PARD3: variants seen among roughly 807,000 people sequenced by gnomAD.
PARD3 encodes partitioning defective 3 homolog.
PARD3 carries 75 observed loss-of-function variants against 155.4 expected under a neutral mutation model. That is an observed-to-expected ratio of 0.48 (90% CI 0.40 to 0.58). The LOEUF (loss-of-function observed/expected upper bound fraction) is 0.58, where lower values mean the gene tolerates loss of function less well. Among genes scored for constraint, PARD3 ranks in the 20% least tolerant of loss-of-function variants. PARD3 has a pLI of 0.00. For missense variants in PARD3, 1,642 were observed against 1,721.7 expected (o/e 0.95, Z 0.82); for synonymous variants, 576 against 610.5 (o/e 0.94, Z 0.83).
Position 34,732,299 on chromosome 10 carries a change from T to C in PARD3, c.121-35880A>G, listed in dbSNP as rs141857929. Among the ~76,000 whole-genome samples, 330 of 152,266 alleles carry C rather than the reference T, an allele frequency of 2.2e-3. 1 individual carries two copies. The highest frequency in any genetic ancestry group is 3.4e-3 in the Middle Eastern group (1 of 294). Reference sequence around the variant, plus strand: ...TGCAAAAGTAGTAAAATGGAGACACTCTAGGGTAGGAGGCCTGAAGTAAAC... The same window carrying C: ...TGCAAAAGTAGTAAAATGGAGACACCCTAGGGTAGGAGGCCTGAAGTAAAC... On this transcript the variant is annotated intron_variant, in intron 1 of 24. Transcript: ENST00000374788.
intron 15 of PARD3, among the ~76,000 whole-genome samples, chr10:34,343,044 A>T (rs1325948732): frequency 6.6e-6 from 1 of 152,176 alleles, no homozygotes; most frequent in African/African-American, 2.4e-5. Context: ...ACAGTATTAG[A>T]ATATTAGGAT....
At chr10:34,121,451 T>C (rs1458553700) in intron 23 of PARD3, among the ~76,000 whole-genome samples, 1 of 152,198 alleles carries the variant, frequency 6.6e-6, no homozygotes, top group African/African-American at 2.4e-5. Context: ...TTGAAACAAG[T>C]TATTGATTTT....
At chr10:34,444,914 T>G (rs2076658176) in intron 5 of PARD3, among the ~76,000 whole-genome samples, 2 of 152,118 alleles carry the variant, frequency 1.3e-5, no homozygotes, top group South Asian at 4.1e-4. Flanking sequence ...TAATGAGAGA[T>G]AAGCATTAAG....
At chr10:34,404,396 G>C (rs1844221030) in intron 5 of PARD3, among the ~76,000 whole-genome samples, 1 of 152,158 alleles carries the variant, frequency 6.6e-6, no homozygotes, top group South Asian at 2.1e-4. Context: ...GCCGGGTGAG[G>C]TGGCTTACGC....
intron 4 of PARD3, among the ~76,000 whole-genome samples, chr10:34,462,209 G>A (rs971676169): frequency 2.8e-4 from 42 of 152,178 alleles, no homozygotes; most frequent in Admixed American, 2.3e-3. Context: ...AACTAATGCC[G>A]CAGAAAATTA....
At chr10:34,518,625 G>A (rs1237290151) in intron 2 of PARD3, among the ~76,000 whole-genome samples, 1 of 152,172 alleles carries the variant, frequency 6.6e-6, no homozygotes, top group East Asian at 1.9e-4. Context: ...AGTCCATAAT[G>A]ATATAAATAA....
intron 22 of PARD3, among the ~76,000 whole-genome samples, chr10:34,240,811 A>G (rs1202693063): frequency 6.6e-5 from 10 of 152,088 alleles, no homozygotes. Context: ...CCCACCAAGC[A>G]GAGCTCAAAA....
At chr10:34,269,297 A>T (rs1955497757) in intron 22 of PARD3, among the ~76,000 whole-genome samples, 1 of 152,234 alleles carries the variant, frequency 6.6e-6, no homozygotes, top group African/African-American at 2.4e-5. Context: ...CCATCTATTT[A>T]ATTGCCACAC....
At chr10:34,313,375 G>T (rs1164965448) in intron 20 of PARD3, among the ~76,000 whole-genome samples, 1 of 152,170 alleles carries the variant, frequency 6.6e-6, no homozygotes, top group African/African-American at 2.4e-5. Context: ...TGTATGAGGA[G>T]AAATTAATAC....
At chr10:34,474,904 A>T (rs1164127091) in intron 3 of PARD3, among the ~76,000 whole-genome samples, 1 of 152,264 alleles carries the variant, frequency 6.6e-6, no homozygotes, top group Non-Finnish European at 1.5e-5. Flanking sequence ...AAGAAACGTT[A>T]CATTAGCCAT....
chr10:34,348,829 T>C (rs1003077983), intron 14 of PARD3, among the ~76,000 whole-genome samples: 2 of 152,282 alleles, frequency 1.3e-5, no homozygotes, highest in African/African-American at 2.4e-5. Context: ...CAAAAACATA[T>C]ACAATCTAAT....
chr10:34,501,516 G>A (rs140281117), intron 3 of PARD3, among the ~76,000 whole-genome samples: 1 of 152,232 alleles, frequency 6.6e-6, no homozygotes, highest in East Asian at 1.9e-4. Context: ...ATGTAAGAAT[G>A]GGTGAATACA....
intron 2 of PARD3, among the ~76,000 whole-genome samples, chr10:34,662,016 T>C (rs1354624260): frequency 6.6e-6 from 1 of 152,150 alleles, no homozygotes; most frequent in Non-Finnish European, 1.5e-5. Context: ...TTCTGCTCCT[T>C]TGACCTGCAG....
At chr10:34,598,176 A>G (rs2089461211) in intron 2 of PARD3, among the ~76,000 whole-genome samples, 1 of 152,192 alleles carries the variant, frequency 6.6e-6, no homozygotes, top group African/African-American at 2.4e-5. Context: ...AGGACACTGA[A>G]GAAGAGAAGG....
At chr10:34,129,811 C>T (rs148729287) in intron 23 of PARD3, among the ~76,000 whole-genome samples, 12 of 150,598 alleles carry the variant, frequency 8.0e-5, no homozygotes, top group Middle Eastern at 6.9e-3. Context: ...GCATGTGCCA[C>T]CACATCCGGG....
At chr10:34,779,652 A>C (rs954176277) in intron 1 of PARD3, among the ~76,000 whole-genome samples, 18 of 152,174 alleles carry the variant, frequency 1.2e-4, no homozygotes, top group Admixed American at 3.3e-4. Flanking sequence ...AACTATGCAG[A>C]TATCACCAGC....
rs71917947 is a variant in PARD3, at chr10:34,432,337, TACACACACAC to T, written c.714+17970_714+17979del. On this transcript the variant is annotated intron_variant, in intron 5 of 24. Coordinates refer to ENST00000374788, the MANE Select transcript of PARD3 (RefSeq NM_001184785.2). Reference sequence around the variant, plus strand: ...AAATAGAAAGATATACACGTGCACATACACACACACACACACACACACACACACACACACA... The same window carrying T: ...AAATAGAAAGATATACACGTGCACATACACACACACACACACACACACACA... Among the ~76,000 whole-genome samples, 492 of 143,478 alleles carry T rather than the reference TACACACACAC, an allele frequency of 3.4e-3. 3 individuals are homozygous for T. Among genetic ancestry groups the T allele is most frequent in the African/African-American group, 8.8e-3 (337 of 38,348 alleles). The allele number at this position is 143,478 out of a possible 152,430, so 94.1% of individuals were successfully genotyped here. A position where few individuals can be genotyped will look rare whatever the true frequency, so the allele number is the denominator to read the frequency against.
intron 1 of PARD3, among the ~76,000 whole-genome samples, chr10:34,746,701 T>G (rs979446799): frequency 6.6e-5 from 10 of 152,342 alleles, no homozygotes; most frequent in African/African-American, 2.2e-4. Context: ...AGCAGCTATG[T>G]ACATACCCAA....
At chr10:34,139,344 T>G (rs1317881205) in intron 22 of PARD3, among the ~76,000 whole-genome samples, 2 of 152,202 alleles carry the variant, frequency 1.3e-5, no homozygotes, top group Non-Finnish European at 2.9e-5. Flanking sequence ...AAAATTTATC[T>G]CTTTACTAAC....
Sources: allele counts gnomAD v4.1 joint callset (sites outside exome capture counted in the v4.1 genomes callset), GRCh38; gene constraint gnomAD v4.1.1; transcripts MANE v1.5; gene names NCBI Gene and HGNC (gene_info 2026-07-23, HGNC 2026-07-21).